The following MACROD2 variants were observed in gnomAD, a reference collection of about 807,000 sequenced individuals.
MACROD2 encodes ADP-ribose glycohydrolase MACROD2.
Under a neutral mutation model 70.4 loss-of-function variants are expected in MACROD2, and 36 were observed. The ratio of observed to expected loss-of-function variants is 0.51; its 90% CI spans 0.39 to 0.68. MACROD2 has a LOEUF of 0.68. Among genes scored for constraint, MACROD2 ranks in the 30% least tolerant of loss-of-function variants. The pLI is 0.00. For missense variants in MACROD2, 496 were observed against 538.4 expected, an observed-to-expected ratio of 0.92 and a Z score of 0.78; for synonymous variants, 172 against 178.8, an observed-to-expected ratio of 0.96 and a Z score of 0.30.
chr20:16,035,983 A>C (rs910523516), intron 15 of MACROD2, among the ~76,000 whole-genome samples: 2 of 152,032 alleles, frequency 1.3e-5, no homozygotes, highest in African/African-American at 4.8e-5. Flanking sequence ...AGTGAAGTAG[A>C]TTCCCATGAG....
At chr20:15,759,642 G>A (rs2051405678) in intron 8 of MACROD2, among the ~76,000 whole-genome samples, 1 of 152,146 alleles carries the variant, frequency 6.6e-6, no homozygotes, top group African/African-American at 2.4e-5. Flanking sequence ...CACTCTACCG[G>A]GAGTTTAAAG....
At chr20:15,606,812 G>C (rs2048899563) in intron 8 of MACROD2, among the ~76,000 whole-genome samples, 1 of 152,082 alleles carries the variant, frequency 6.6e-6, no homozygotes, top group Non-Finnish European at 1.5e-5. Flanking sequence ...AGACCAGCCT[G>C]ACCAACATGG....
At chr20:14,924,251 A>G (rs1002023446) in intron 5 of MACROD2, among the ~76,000 whole-genome samples, 2 of 146,920 alleles carry the variant, frequency 1.4e-5, no homozygotes, top group African/African-American at 5.5e-5. Context: ...ACTTGAGGCC[A>G]AGCCTGGCCA....
At chr20:15,040,244 G>A (rs994749344) in intron 5 of MACROD2, among the ~76,000 whole-genome samples, 2 of 151,952 alleles carry the variant, frequency 1.3e-5, no homozygotes, top group African/African-American at 2.4e-5. Flanking sequence ...GAACCCAGGA[G>A]GCGGAGCTTG....
chr20:14,802,769 TAC>T (rs1289331259), intron 5 of MACROD2, among the ~76,000 whole-genome samples: 1 of 56,764 alleles, frequency 1.8e-5, no homozygotes, highest in Non-Finnish European at 4.6e-5. Context: ...AGCACACACA[TAC>T]ACACATACAC....
At chr20:14,378,129 C>T (rs1183874537) in intron 3 of MACROD2, among the ~76,000 whole-genome samples, 1 of 152,134 alleles carries the variant, frequency 6.6e-6, no homozygotes, top group Non-Finnish European at 1.5e-5. Flanking sequence ...TCCAGAGTTT[C>T]CATAGTTTAT....
chr20:15,993,814 A>C (rs1041309578), intron 15 of MACROD2, among the ~76,000 whole-genome samples: 1 of 152,232 alleles, frequency 6.6e-6, no homozygotes, highest in African/African-American at 2.4e-5. Flanking sequence ...TTTCACTGAT[A>C]TGAACAAATC....
At chr20:15,931,257 C>G (rs1424858998) in intron 10 of MACROD2, among the ~76,000 whole-genome samples, 1 of 152,156 alleles carries the variant, frequency 6.6e-6, no homozygotes, top group Non-Finnish European at 1.5e-5. Flanking sequence ...AGAACCAGAA[C>G]AGGGAAAATA....
intron 6 of MACROD2, among the ~76,000 whole-genome samples, chr20:15,382,627 C>A (rs1010529378): frequency 1.3e-5 from 2 of 152,022 alleles, no homozygotes; most frequent in Non-Finnish European, 2.9e-5. Context: ...TATAAATATT[C>A]TTTTGGTAGG....
At chr20:16,015,464 A>T (rs1035368939) in intron 15 of MACROD2, among the ~76,000 whole-genome samples, 1 of 152,234 alleles carries the variant, frequency 6.6e-6, no homozygotes, top group African/African-American at 2.4e-5. Flanking sequence ...AAAAGGAGCT[A>T]TCTGTTGAAT....
chr20:14,401,942 T>C (rs766837951), intron 3 of MACROD2, among the ~76,000 whole-genome samples: 54 of 152,314 alleles, frequency 3.5e-4, no homozygotes, highest in Non-Finnish European at 6.5e-4. Context: ...CCACCAGCTG[T>C]TACATTCTCT....
chr20:14,120,106 G>A (rs767882498), intron 3 of MACROD2, among the ~76,000 whole-genome samples: 36 of 151,390 alleles, frequency 2.4e-4, no homozygotes, highest in Admixed American at 6.6e-4. Flanking sequence ...CTAGCTACTC[G>A]GGAGGCTGAG....
chr20:14,595,657 T>G (rs189380282), intron 4 of MACROD2, among the ~76,000 whole-genome samples: 62 of 152,320 alleles, frequency 4.1e-4, no homozygotes, highest in Admixed American at 3.4e-3. Context: ...TCGAATTTTC[T>G]CTTCAGGATA....
In MACROD2 at chr20:15,124,348, T is replaced by C. The variant is rs2076051267; in HGVS notation, c.419-105592T>C. ...TTTTAAGCCTATATATTTAATTTCCTAGTTTTTTTTTTTTTCTAAAAAAAA... is the reference window on the plus strand; with the variant it reads ...TTTTAAGCCTATATATTTAATTTCCCAGTTTTTTTTTTTTTCTAAAAAAAA... On this transcript the variant is annotated intron_variant, in intron 5 of 17. Transcript: ENST00000684519. 3.5e-5 allele frequency among the ~76,000 whole-genome samples: 2 copies of C among 57,814 alleles called. 1 individual carries two copies. Among genetic ancestry groups the C allele is most frequent in the Non-Finnish European group, 6.6e-5 (2 of 30,230 alleles). 37.9% of individuals were successfully genotyped at this position (57,814 alleles called of 152,430 possible).
intron 4 of MACROD2, among the ~76,000 whole-genome samples, chr20:14,544,746 A>G (rs974902431): frequency 2.0e-5 from 3 of 152,198 alleles, no homozygotes; most frequent in African/African-American, 4.8e-5. Context: ...CTGGAGCTTA[A>G]TGATGCTGTG....
chr20:14,742,620 A>G (rs1307193791), intron 5 of MACROD2, among the ~76,000 whole-genome samples: 1 of 151,808 alleles, frequency 6.6e-6, no homozygotes, highest in Admixed American at 6.6e-5. Context: ...TGAAATCTGA[A>G]GCATAGACTT....
At chr20:14,821,140 T>G (rs889538334) in intron 5 of MACROD2, among the ~76,000 whole-genome samples, 3 of 152,110 alleles carry the variant, frequency 2.0e-5, no homozygotes, top group African/African-American at 7.2e-5. Flanking sequence ...GTATTTGCTT[T>G]GGCATATTGA....
chr20:14,988,075 A>C (rs543101333), intron 5 of MACROD2, among the ~76,000 whole-genome samples: 6 of 152,078 alleles, frequency 3.9e-5, no homozygotes, highest in Admixed American at 6.5e-5. Flanking sequence ...GAGTAAGGCT[A>C]TATACAGGTC....
intron 5 of MACROD2, among the ~76,000 whole-genome samples, chr20:15,062,718 A>G (rs1340406319): frequency 1.3e-5 from 2 of 152,238 alleles, no homozygotes; most frequent in African/African-American, 4.8e-5. Flanking sequence ...TAGGCACACA[A>G]CAGTGAACAA....
Sources: gnomAD v4.1 joint callset for allele counts (sites outside exome capture counted in the v4.1 genomes callset) on GRCh38, gnomAD v4.1.1 for gene constraint, MANE v1.5 for transcripts, NCBI Gene and HGNC (gene_info 2026-07-23, HGNC 2026-07-21) for gene names.